Variants in SLAMF8 observed in about 807,000 individuals in gnomAD.
SLAMF8 encodes the protein B lymphocyte activator macrophage expressed.
Under a neutral mutation model 29.0 loss-of-function variants are expected in SLAMF8, and 23 were observed. The ratio of observed to expected loss-of-function variants is 0.79; its 90% confidence interval spans 0.57 to 1.13. The LOEUF (loss-of-function observed/expected upper bound fraction) is 1.13, where lower values mean the gene tolerates loss of function less well. Ranked by LOEUF, SLAMF8 falls within the 50% of genes most tolerant of loss-of-function variation. SLAMF8 has a pLI of 0.00. For synonymous variants in SLAMF8, 139 were observed against 145.6 expected (o/e 0.96, Z 0.32); for missense variants, 381 against 353.1 (o/e 1.08, Z -0.63).
At chr1:159,828,044 G>A (rs1663735261) in intron 1 of SLAMF8, among the ~76,000 whole-genome samples, 2 of 152,124 alleles carry the variant, frequency 1.3e-5, no homozygotes, top group African/African-American at 4.8e-5. Flanking sequence ...ATGTTGACCA[G>A]GCTGGTCTCA....
chr1:159,826,990 C>T (rs762043695), intron 1 of SLAMF8, 52 bp downstream of exon 1: 28 of 1,609,568 alleles, frequency 1.7e-5, no homozygotes, highest in South Asian at 2.2e-5. Context: ...GGCCCCTCCC[C>T]AGCTGCCTAT....
chr1:159,828,989 C>T (rs546849965), intron 1 of SLAMF8, among the ~76,000 whole-genome samples: 3 of 152,228 alleles, frequency 2.0e-5, no homozygotes, highest in Admixed American at 6.5e-5. Flanking sequence ...ATCCCAAGGA[C>T]CTGGGAGCCG....
chr1:159,834,306 G>A (rs1320012023), intron 4 of SLAMF8, among the ~76,000 whole-genome samples: 1 of 152,184 alleles, frequency 6.6e-6, no homozygotes, highest in African/African-American at 2.4e-5. Flanking sequence ...AGGCAATGCT[G>A]ATTCCTGTTC....
At chr1:159,830,348 G>A (rs534265549) in intron 2 of SLAMF8, among the ~76,000 whole-genome samples, 156 bp downstream of exon 2, 3 of 152,302 alleles carry the variant, frequency 2.0e-5, no homozygotes, top group South Asian at 2.1e-4. Flanking sequence ...TGGCAGTCAC[G>A]TCTAAGAAAA....
Position 159,837,240 on chromosome 1 carries a change from T to A in SLAMF8, c.*1980T>A. 3.0e-6 allele frequency: 3 copies of A among 985,400 alleles called. No individual in the cohort carries two copies. The highest frequency in any genetic ancestry group is 3.6e-6 in the Non-Finnish European group (3 of 829,956). The allele number at this position is 985,400 out of a possible 1,614,324, so 61.0% of individuals were successfully genotyped here. ...CCACACTGCTCTAATAAAGTTCCCA[T>A]CCTTAATGACTCACTTGTCAACTAG... On this transcript the variant is annotated 3_prime_UTR_variant, in exon 5 of 5. Transcript: ENST00000289707.
chr1:159,832,671 G>A (rs1214355158), intron 2 of SLAMF8, among the ~76,000 whole-genome samples: 1 of 152,242 alleles, frequency 6.6e-6, no homozygotes, highest in African/African-American at 2.4e-5. Context: ...GGAGAGATGG[G>A]CATGAATCGT....
rs1312925671 is a variant in SLAMF8 at position 159,836,918 on chromosome 1, C to T, written c.*1658C>T. 2 of 985,458 alleles carry T rather than the reference C, an allele frequency of 2.0e-6. No individual in the cohort carries two copies. Among genetic ancestry groups the T allele is most frequent in the African/African-American group, 3.5e-5 (2 of 57,248 alleles). 61.0% of individuals were successfully genotyped at this position (985,458 alleles called of 1,614,324 possible). ...ACCTGTCAGCTTGCACCATCCCCAC[C>T]TGCCACCTACAGTCAGGCCACATGC... is the stretch of plus-strand genomic sequence containing the variant. On this transcript the variant is annotated 3_prime_UTR_variant, in exon 5 of 5. Coordinates refer to ENST00000289707, the MANE Select transcript of SLAMF8 (RefSeq NM_020125.3).
chr1:159,828,614 G>A (rs1237452329), intron 1 of SLAMF8, among the ~76,000 whole-genome samples: 1 of 152,196 alleles, frequency 6.6e-6, no homozygotes, highest in Non-Finnish European at 1.5e-5. Flanking sequence ...GGTGGGCACT[G>A]GAAGCAAACG....
rs377742485 is a variant in SLAMF8 at position 159,834,152 on chromosome 1, C to T, written c.781+783C>T. ...AGAACTACCCGACTGACCAGGGCTCCGTGGTCATTTCCATGCCAGGCTGTC... is the reference window on the plus strand; with the variant it reads ...AGAACTACCCGACTGACCAGGGCTCTGTGGTCATTTCCATGCCAGGCTGTC... On this transcript the variant is annotated intron_variant, in intron 4 of 4. Coordinates refer to ENST00000289707, the MANE Select transcript of SLAMF8 (RefSeq NM_020125.3). Among the ~76,000 whole-genome samples the T allele has an allele frequency of 6.6e-5, 10 of 152,334 alleles. No individual in the cohort carries two copies. In the South Asian group the frequency reaches 1.7e-3, roughly 25 times the overall value.
intron 2 of SLAMF8, 53 bp from the exon 3 acceptor site, chr1:159,832,823 G>A: frequency 6.4e-7 from 1 of 1,571,486 alleles, no homozygotes; most frequent in African/African-American, 1.3e-5. Flanking sequence ...CCAGAGATGT[G>A]GGCCCTGCCC....
rs978351263 is a variant in SLAMF8, at chr1:159,835,741, G to GT, written c.*484dup. ...ATCAGCTTCAGCCCCAGACCCTGCA[G>GT]TTTGAGATCTGATGCTTCCTGAGGG... On this transcript the variant is annotated 3_prime_UTR_variant, in exon 5 of 5. Coordinates refer to ENST00000289707, the MANE Select transcript of SLAMF8 (RefSeq NM_020125.3). 1 of 985,890 alleles carries GT rather than the reference G, an allele frequency of 1.0e-6. No homozygotes were observed. Among genetic ancestry groups the GT allele is most frequent in the African/African-American group, 1.7e-5 (1 of 57,252 alleles). The allele number at this position is 985,890 out of a possible 1,614,324, so 61.1% of individuals were successfully genotyped here.
rs750108035 is a variant in SLAMF8 at position 159,830,077 on chromosome 1, C to T, written c.252C>T (p.Ser84=). 5 of 1,614,236 alleles carry T rather than the reference C, an allele frequency of 3.1e-6. No homozygotes were observed. In the Admixed American group the frequency reaches 6.7e-5, roughly 22 times the overall value. ...SRFLGRAQLH[S]NLSLELGPLE... ...TCCTGGGCCGAGCCCAGCTACACAG[C>T]AACCTCAGCCTGGAGCTCGGGCCGC... Residue 84 remains serine (S), a synonymous_variant, in exon 2 of 5, where the codon AGC becomes AGT. Coordinates refer to ENST00000289707, the MANE Select transcript of SLAMF8 (RefSeq NM_020125.3).
rs1298033043 is a variant in SLAMF8, at chr1:159,830,116, C to T, written c.291C>T (p.Asp97=). The T allele has an allele frequency of 3.1e-6, 5 of 1,614,208 alleles. No homozygotes were observed. Among genetic ancestry groups the T allele is most frequent in the South Asian group, 2.2e-5 (2 of 91,086 alleles). ...AGCTCGGGCCGCTGGAGTCTGGAGA[C>T]AGCGGCAACTTCTCCGTGTTGATGG... ...SLELGPLESG[D]SGNFSVLMVD... is the part of the protein sequence containing the mutation. The change falls in exon 2 of 5, where the codon GAC becomes GAT. Residue 97 remains aspartate (D), a synonymous_variant. Coordinates refer to ENST00000289707, the MANE Select transcript of SLAMF8 (RefSeq NM_020125.3).
In SLAMF8 at chr1:159,836,050, C is replaced by A. The variant is rs1472143174; in HGVS notation, c.*790C>A. 1 of 985,336 alleles carries A rather than the reference C, an allele frequency of 1.0e-6. No homozygotes were observed. Among genetic ancestry groups the A allele is most frequent in the African/African-American group, 1.7e-5 (1 of 57,232 alleles). The allele number at this position is 985,336 out of a possible 1,614,324, so 61.0% of individuals were successfully genotyped here. A position where few individuals can be genotyped will look rare whatever the true frequency, so the allele number is the denominator to read the frequency against. ...TGGAGAGTCTTTCCTCACGCTCCAGCACAGTGGCCAGGAAAAGAAATACTG... is the reference window on the plus strand; with the variant it reads ...TGGAGAGTCTTTCCTCACGCTCCAGAACAGTGGCCAGGAAAAGAAATACTG... On this transcript the variant is annotated 3_prime_UTR_variant, in exon 5 of 5. Coordinates refer to ENST00000289707, the MANE Select transcript of SLAMF8 (RefSeq NM_020125.3).
chr1:159,832,253 A>C (rs1557889912), intron 2 of SLAMF8, among the ~76,000 whole-genome samples: 1 of 152,236 alleles, frequency 6.6e-6, no homozygotes, highest in Non-Finnish European at 1.5e-5. Flanking sequence ...TTGCACCCTC[A>C]TAATTATTTA....
In SLAMF8 at chr1:159,835,227, G is replaced by C. The variant is rs888984932; in HGVS notation, c.825G>C (p.Glu275Asp). 3 of 1,614,090 alleles carry C rather than the reference G, an allele frequency of 1.9e-6. No individual in the cohort carries two copies. Among genetic ancestry groups the C allele is most frequent in the Non-Finnish European group, 2.5e-6 (3 of 1,180,000 alleles). Residue 275 changes from glutamate (E) to aspartate (D), a missense_variant, in exon 5 of 5, where the codon GAG becomes GAC. Physicochemically the swap from Glu to Asp is conservative, Grantham distance 45 (BLOSUM62 2). Coordinates refer to ENST00000289707, the MANE Select transcript of SLAMF8 (RefSeq NM_020125.3). ...TCCATGCTGACAGAGTGGGTCCAGA[G>C]ACAGAGAACCCCCTTGTGCAGGATC... ...KDVHADRVGP[E>D]TENPLVQDLP
Position 159,837,384 on chromosome 1 carries a change from C to T in SLAMF8, c.*2124C>T, listed in dbSNP as rs557800525. 369 of 863,814 alleles carry T rather than the reference C, an allele frequency of 4.3e-4. No individual in the cohort carries two copies. The highest frequency in any genetic ancestry group is 5.9e-4 in the Middle Eastern group (1 of 1,684). The allele number at this position is 863,814 out of a possible 1,614,324, so 53.5% of individuals were successfully genotyped here. A position where few individuals can be genotyped will look rare whatever the true frequency, so the allele number is the denominator to read the frequency against. ...CACCACAACAAATATTGATTGAGGG[C>T]GCTGCATGTGCTGGGTACATTTCTT... On this transcript the variant is annotated 3_prime_UTR_variant, in exon 5 of 5. Transcript: ENST00000289707.
At position 159,836,355 on chromosome 1, in the gene SLAMF8, T is replaced by C. The variant is rs1647934664; in HGVS notation, c.*1095T>C. On this transcript the variant is annotated 3_prime_UTR_variant, in exon 5 of 5. Coordinates refer to ENST00000289707, the MANE Select transcript of SLAMF8 (RefSeq NM_020125.3). ...CACTCTGACTCCATCAAACTTTTTA[T>C]TGTGGCCATCTTAGGAAAATACATT... is the stretch of plus-strand genomic sequence containing the variant. 1.0e-5 allele frequency: 10 copies of C among 985,304 alleles called. No individual in the cohort carries two copies. The highest frequency in any genetic ancestry group is 5.2e-5 in the African/African-American group (3 of 57,234). 61.0% of individuals were successfully genotyped at this position (985,304 alleles called of 1,614,324 possible).
chr1:159,835,003 G>A (rs1337404099), intron 4 of SLAMF8, 181 bp from the exon 5 acceptor site: 1 of 591,860 alleles, frequency 1.7e-6, no homozygotes. Flanking sequence ...TAGATACTAG[G>A]AAGAATTTCC....
Sources: gnomAD v4.1 joint callset for allele counts (sites outside exome capture counted in the v4.1 genomes callset) on GRCh38, gnomAD v4.1.1 for gene constraint, MANE v1.5 for transcripts, NCBI Gene and HGNC (gene_info 2026-07-23, HGNC 2026-07-21) for gene names.